TLL1: variants seen among roughly 807,000 people sequenced by gnomAD.
TLL1 encodes the protein tolloid-like protein 1.
TLL1 carries 49 observed loss-of-function variants against 128.2 expected under a neutral mutation model. The ratio of observed to expected loss-of-function variants is 0.38; its 90% confidence interval spans 0.30 to 0.48. The LOEUF (loss-of-function observed/expected upper bound fraction) is 0.48, where lower values mean the gene tolerates loss of function less well. Ranked by LOEUF, TLL1 falls within the 20% of genes least tolerant of loss-of-function variation. The pLI is 0.96. For synonymous variants in TLL1, 454 were observed against 418.8 expected, an observed-to-expected ratio of 1.08 and a Z score of -1.03; for missense variants, 1,123 against 1,242.0, an observed-to-expected ratio of 0.90 and a Z score of 1.44.
chr4:165,908,926 A>G (rs568855981), intron 1 of TLL1, among the ~76,000 whole-genome samples: 70 of 151,788 alleles, frequency 4.6e-4, no homozygotes, highest in African/African-American at 1.5e-3. Flanking sequence ...GGAAACAAGA[A>G]TGGCTCATGC....
chr4:165,899,438 T>C (rs769613811), intron 1 of TLL1, among the ~76,000 whole-genome samples: 10 of 152,190 alleles, frequency 6.6e-5, no homozygotes, highest in Non-Finnish European at 1.3e-4. Flanking sequence ...TTCTCATTGG[T>C]TTCAAAGAAC....
intron 3 of TLL1, among the ~76,000 whole-genome samples, chr4:165,993,604 G>A (rs1322199504): frequency 2.6e-5 from 4 of 152,018 alleles, no homozygotes; most frequent in African/African-American, 9.7e-5. Context: ...TATTTGTTGT[G>A]TCAAAGTATA....
intron 1 of TLL1, among the ~76,000 whole-genome samples, chr4:165,917,047 T>C (rs1732812923): frequency 6.6e-6 from 1 of 152,156 alleles, no homozygotes; most frequent in Admixed American, 6.5e-5. Context: ...ATTTCTATAT[T>C]ATGTAGTATT....
chr4:165,902,210 C>T (rs1048736312), intron 1 of TLL1, among the ~76,000 whole-genome samples: 39 of 152,066 alleles, frequency 2.6e-4, no homozygotes, highest in African/African-American at 9.4e-4. Flanking sequence ...TGAGCTAGAC[C>T]ACTTGGGTCC....
At chr4:165,999,675 T>C (rs2111027518) in intron 5 of TLL1, among the ~76,000 whole-genome samples, 1 of 151,836 alleles carries the variant, frequency 6.6e-6, no homozygotes, top group African/African-American at 2.4e-5. Context: ...GGTTTCACCA[T>C]GTTGCCCAGG....
intron 12 of TLL1, among the ~76,000 whole-genome samples, chr4:166,054,166 C>A (rs894939965): frequency 9.7e-5 from 14 of 143,924 alleles, no homozygotes; most frequent in Non-Finnish European, 2.1e-4. Flanking sequence ...AAGCCTCATC[C>A]AAACAAGGCC....
chr4:165,897,438 G>A (rs370018753), intron 1 of TLL1, among the ~76,000 whole-genome samples: 9 of 152,216 alleles, frequency 5.9e-5, no homozygotes, highest in African/African-American at 1.9e-4. Context: ...TCAGTTTTCT[G>A]CATATAGCTA....
intron 12 of TLL1, among the ~76,000 whole-genome samples, chr4:166,053,467 G>T (rs1170136546): frequency 2.0e-5 from 3 of 152,080 alleles, no homozygotes; most frequent in African/African-American, 7.2e-5. Context: ...TCTGAATGAT[G>T]CATACCAAGC....
intron 1 of TLL1, among the ~76,000 whole-genome samples, chr4:165,962,794 G>A (rs999308618): frequency 4.0e-5 from 6 of 151,864 alleles, no homozygotes; most frequent in African/African-American, 1.5e-4. Context: ...TTATCCTAAG[G>A]GAACAAACAC....
chr4:165,957,526 A>T (rs1454824327), intron 1 of TLL1, among the ~76,000 whole-genome samples: 1 of 151,436 alleles, frequency 6.6e-6, no homozygotes, highest in Non-Finnish European at 1.5e-5. Flanking sequence ...ATTTTTCCAT[A>T]AGTTATTGGG....
At chr4:165,995,233 C>A in intron 5 of TLL1, 55 bp downstream of exon 5, 1 of 1,217,320 alleles carries the variant, frequency 8.2e-7, no homozygotes, top group Non-Finnish European at 1.2e-6. Flanking sequence ...AAAAGGAAAA[C>A]AATTAAATGT....
intron 1 of TLL1, among the ~76,000 whole-genome samples, chr4:165,898,829 A>T (rs6813441): frequency 0.32 from 48,308 of 151,968 alleles, 8,083 homozygotes; most frequent in East Asian, 0.56. Context: ...GTACCTCTGG[A>T]AGAATTTGGC....
In TLL1 at chr4:166,041,069, T is replaced by G. The variant is rs145535054; in HGVS notation, c.1262-958T>G. On this transcript the variant is annotated intron_variant, in intron 10 of 20. Transcript: ENST00000061240. ...TATATTTATTTGCTGTAATTCATAT[T>G]TCTGGATACAGAATTAGAAGAAATT... Among the ~76,000 whole-genome samples, 358 of 152,346 alleles carry G rather than the reference T, an allele frequency of 2.3e-3. 2 individuals are homozygous for G. The highest frequency in any genetic ancestry group is 8.2e-3 in the African/African-American group (339 of 41,578).
Position 165,874,064 on chromosome 4 carries a change from T to A in TLL1, c.160T>A (p.Cys54Ser), listed in dbSNP as rs1213655117. 1.2e-5 allele frequency: 20 copies of A among 1,613,958 alleles called. No individual in the cohort carries two copies. The highest frequency in any genetic ancestry group is 1.6e-5 in the Non-Finnish European group (19 of 1,179,996). ...AGAGACTATAGATTACAAGGACCCGTGTAAAGCCGGTAAGTGGCTCTCCAG... is the reference window on the plus strand; with the variant it reads ...AGAGACTATAGATTACAAGGACCCGAGTAAAGCCGGTAAGTGGCTCTCCAG... ...KTETIDYKDP[C>S]KAAVFWGDIA... The change falls in exon 1 of 21, where the codon TGT becomes AGT. Residue 54 changes from cysteine (C) to serine (S), a missense_variant. By Grantham distance (112) the Cys-to-Ser change is moderately radical. Coordinates refer to ENST00000061240, the MANE Select transcript of TLL1 (RefSeq NM_012464.5).
In TLL1 at chr4:166,015,453, C is replaced by G. The variant is rs537919285; in HGVS notation, c.1042+893C>G. Among the ~76,000 whole-genome samples the G allele has an allele frequency of 1.3e-4, 20 of 152,060 alleles. No individual in the cohort carries two copies. In the South Asian group the frequency reaches 3.9e-3, roughly 30 times the overall value. ...TCAGAGAAATGATGGATATCTTAAT[C>G]ATTGGAGTTTTACATAGATAATTGG... On this transcript the variant is annotated intron_variant, in intron 8 of 20. Transcript: ENST00000061240.
intron 1 of TLL1, among the ~76,000 whole-genome samples, chr4:165,896,376 A>G (rs1369458838): frequency 1.3e-5 from 2 of 151,840 alleles, no homozygotes; most frequent in African/African-American, 4.8e-5. Flanking sequence ...TACTGTGAAT[A>G]GTGCTGCAAT....
chr4:165,997,007 A>G (rs1177902204), intron 5 of TLL1, among the ~76,000 whole-genome samples: 3 of 151,946 alleles, frequency 2.0e-5, no homozygotes, highest in Admixed American at 6.6e-5. Context: ...TTACAGTTCA[A>G]ACTTTTCTCT....
At chr4:166,098,945 G>A (rs1206005312) in intron 19 of TLL1, among the ~76,000 whole-genome samples, 2 of 152,078 alleles carry the variant, frequency 1.3e-5, no homozygotes, top group African/African-American at 4.8e-5. Context: ...TGATTTTCAT[G>A]TTTTAAATTC....
At chr4:166,099,607 A>T in intron 20 of TLL1, 80 bp downstream of exon 20, 1 of 1,552,622 alleles carries the variant, frequency 6.4e-7, no homozygotes, top group South Asian at 1.2e-5. Flanking sequence ...TACCATTCAC[A>T]AGTTGGCAAT....
Sources: gnomAD v4.1 joint callset for allele counts (sites outside exome capture counted in the v4.1 genomes callset) on GRCh38, gnomAD v4.1.1 for gene constraint, MANE v1.5 for transcripts, NCBI Gene and HGNC (gene_info 2026-07-23, HGNC 2026-07-21) for gene names.